The following ESRRG variants were observed in gnomAD, a reference collection of about 807,000 sequenced individuals.
The protein encoded by ESRRG is estrogen related receptor gamma.
In ESRRG, 13 loss-of-function variants were observed where a neutral mutation model predicts 44.0. That is an observed-to-expected ratio of 0.30 (90% CI 0.19 to 0.47). The LOEUF (loss-of-function observed/expected upper bound fraction) is 0.47, where lower values mean the gene tolerates loss of function less well. ESRRG is among the 20% of genes least tolerant of loss of function. ESRRG has a pLI of 1.00. For missense variants in ESRRG, 395 were observed against 580.6 expected (o/e 0.68, Z 3.29); for synonymous variants, 215 against 214.6 (o/e 1.00, Z -0.02).
intron 1 of ESRRG, among the ~76,000 whole-genome samples, chr1:216,696,572 G>C (rs1260919638): frequency 6.6e-6 from 1 of 151,908 alleles, no homozygotes; most frequent in Admixed American, 6.6e-5. Context: ...AAATTACAGA[G>C]CAACTTAAAA....
At chr1:216,693,562 C>T (rs746111830) in intron 1 of ESRRG, among the ~76,000 whole-genome samples, 1 of 152,300 alleles carries the variant, frequency 6.6e-6, no homozygotes, top group South Asian at 2.1e-4. Flanking sequence ...TGAATACAAC[C>T]TATGCACATC....
At chr1:216,710,181 T>C (rs1476466382) in intron 1 of ESRRG, among the ~76,000 whole-genome samples, 1 of 152,118 alleles carries the variant, frequency 6.6e-6, no homozygotes, top group African/African-American at 2.4e-5. Context: ...GGGGTTCTGT[T>C]TTTAGTACAC....
At chr1:216,527,158 A>G (rs1432842743) in intron 5 of ESRRG, among the ~76,000 whole-genome samples, 2 of 152,190 alleles carry the variant, frequency 1.3e-5, no homozygotes, top group African/African-American at 2.4e-5. Flanking sequence ...AAAGTATTGC[A>G]AGGATGGATC....
chr1:216,595,915 TAGA>T (rs2058359794), intron 3 of ESRRG, among the ~76,000 whole-genome samples: 1 of 152,204 alleles, frequency 6.6e-6, no homozygotes, highest in Admixed American at 6.5e-5. Flanking sequence ...TTTAGCAGTG[TAGA>T]AGAAAAGACA....
intron 2 of ESRRG, among the ~76,000 whole-genome samples, chr1:216,928,533 G>T (rs1425686304): frequency 6.6e-6 from 1 of 152,078 alleles, no homozygotes; most frequent in African/African-American, 2.4e-5. Context: ...CTCCATGTTC[G>T]TGGACATTTT....
intron 1 of ESRRG, among the ~76,000 whole-genome samples, chr1:217,005,493 C>A (rs977260263): frequency 6.6e-6 from 1 of 152,106 alleles, no homozygotes; most frequent in Non-Finnish European, 1.5e-5. Context: ...TCTAAAAGAA[C>A]AGGGAACTCT....
intron 1 of ESRRG, among the ~76,000 whole-genome samples, chr1:217,083,891 C>T (rs998944812): frequency 2.6e-5 from 4 of 152,090 alleles, no homozygotes; most frequent in African/African-American, 9.7e-5. Flanking sequence ...CTATAACTTG[C>T]TAACAATTTT....
chr1:217,131,557 T>A (rs2092966546), intron 1 of ESRRG, among the ~76,000 whole-genome samples: 1 of 152,206 alleles, frequency 6.6e-6, no homozygotes, highest in Non-Finnish European at 1.5e-5. Context: ...GAAACCAACC[T>A]GTTGAAGGTG....
At chr1:216,795,237 C>T (rs1051558627) in intron 2 of ESRRG, among the ~76,000 whole-genome samples, 2 of 151,562 alleles carry the variant, frequency 1.3e-5, no homozygotes, top group Admixed American at 6.6e-5. Flanking sequence ...AAATGAACAG[C>T]TGTGTTCTTT....
At chr1:216,904,219 T>C (rs1196570695) in intron 2 of ESRRG, among the ~76,000 whole-genome samples, 1 of 150,094 alleles carries the variant, frequency 6.7e-6, no homozygotes, top group Non-Finnish European at 1.5e-5. Flanking sequence ...CCCCAACTGA[T>C]AATTAGTGAG....
chr1:216,927,243 G>A (rs539513892), intron 2 of ESRRG, among the ~76,000 whole-genome samples: 2 of 152,214 alleles, frequency 1.3e-5, no homozygotes, highest in African/African-American at 2.4e-5. Flanking sequence ...TAGCAAAATG[G>A]CAAGAGCCTA....
intron 2 of ESRRG, among the ~76,000 whole-genome samples, chr1:216,749,147 A>ATTTT (rs34684564): frequency 2.0e-5 from 3 of 148,936 alleles, no homozygotes; most frequent in African/African-American, 7.4e-5. Context: ...GTGTCTAAAT[A>ATTTT]TTTTTTTTTT....
At chr1:217,011,387 C>A (rs1401344778) in intron 1 of ESRRG, among the ~76,000 whole-genome samples, 1 of 152,188 alleles carries the variant, frequency 6.6e-6, no homozygotes, top group Non-Finnish European at 1.5e-5. Context: ...GCTGGCCTTC[C>A]TTGGAGCTAG....
intron 2 of ESRRG, among the ~76,000 whole-genome samples, chr1:216,797,121 A>T (rs546676037): frequency 6.6e-6 from 1 of 151,862 alleles, no homozygotes; most frequent in Non-Finnish European, 1.5e-5. Context: ...CGAACTCCTG[A>T]CCTCATGACC....
Position 216,692,307 on chromosome 1 carries a change from AGTGTATGTGT to A in ESRRG, c.57-14826_57-14817del, listed in dbSNP as rs1229594148. 7.7e-4 allele frequency among the ~76,000 whole-genome samples: 38 copies of A among 49,320 alleles called. 1 individual carries two copies. Among genetic ancestry groups the A allele is most frequent in the Admixed American group, 6.0e-3 (22 of 3,640 alleles). 32.4% of individuals were successfully genotyped at this position (49,320 alleles called of 152,430 possible). A position where few individuals can be genotyped will look rare whatever the true frequency, so the allele number is the denominator to read the frequency against. On this transcript the variant is annotated intron_variant, in intron 1 of 6. Transcript: ENST00000408911. ...TCCTGACCCTGTGTAGGCCTAGGCT[AGTGTATGTGT>A]GTGTGTGTGTGTGTGTGTGTGTGTG...
At chr1:217,006,981 T>C (rs777354748) in intron 1 of ESRRG, among the ~76,000 whole-genome samples, 2 of 152,176 alleles carry the variant, frequency 1.3e-5, no homozygotes, top group African/African-American at 4.8e-5. Flanking sequence ...AAGTACTTTA[T>C]AAATCATATC....
chr1:216,819,318 C>T (rs975661787), intron 2 of ESRRG, among the ~76,000 whole-genome samples: 3 of 152,180 alleles, frequency 2.0e-5, no homozygotes, highest in African/African-American at 4.8e-5. Context: ...TGTCTCACAA[C>T]AAGGAGGAAA....
chr1:216,875,461 T>G (rs1382449201), intron 2 of ESRRG, among the ~76,000 whole-genome samples: 1 of 152,116 alleles, frequency 6.6e-6, no homozygotes, highest in Non-Finnish European at 1.5e-5. Context: ...ATATCTCAGA[T>G]TATTTTTATC....
chr1:217,092,363 G>T (rs955828653), upstream of ESRRG, among the ~76,000 whole-genome samples: 1 of 152,276 alleles, frequency 6.6e-6, no homozygotes, highest in South Asian at 2.1e-4. Flanking sequence ...CTTTACTCAT[G>T]CTTAGACCTT....
Sources: allele counts gnomAD v4.1 joint callset (sites outside exome capture counted in the v4.1 genomes callset), GRCh38; gene constraint gnomAD v4.1.1; transcripts MANE v1.5; gene names NCBI Gene and HGNC (gene_info 2026-07-23, HGNC 2026-07-21).